Variants in CFAP52 observed in about 807,000 individuals in gnomAD.
CFAP52 encodes the protein cilia and flagella associated protein 52.
In CFAP52, 57 loss-of-function variants were observed where a neutral mutation model predicts 70.5. The ratio of observed to expected loss-of-function variants is 0.81; its 90% CI spans 0.65 to 1.01. The LOEUF (loss-of-function observed/expected upper bound fraction) is 1.01, where lower values mean the gene tolerates loss of function less well. Among genes scored for constraint, CFAP52 ranks in the 50% least tolerant of loss-of-function variants. The pLI is 0.00. For synonymous variants in CFAP52, 267 were observed against 292.5 expected, an observed-to-expected ratio of 0.91 and a Z score of 0.89; for missense variants, 785 against 788.5, an observed-to-expected ratio of 1.00 and a Z score of 0.05.
chr17:9,632,134 G>C (rs1355484108), intron 9 of CFAP52, among the ~76,000 whole-genome samples: 1 of 151,728 alleles, frequency 6.6e-6, no homozygotes, highest in Non-Finnish European at 1.5e-5. Flanking sequence ...CTGAAGTGCA[G>C]TGGCGGACTC....
rs1908894141 is a variant in CFAP52 at position 9,594,205 on chromosome 17, G to A, written c.420G>A (p.Trp140Ter). The change falls in exon 4 of 14, where the codon TGG (tryptophan) becomes TGA (stop). Residue 140 changes from tryptophan (W) to a stop codon, truncating the protein, a stop_gained. Transcript: ENST00000352665. LOFTEE classifies it high-confidence loss of function. ...GGPDDGSVVVWSIAKRDAICG... is the reference protein window; with the variant it reads ...GGPDDGSVVV The stretch of plus-strand genomic sequence containing the variant: ...CTTATTTTGGCAGTGTGGTGGTGTG[G>A]AGCATAGCCAAGAGAGATGCCATCT... 6.2e-7 allele frequency: 1 copy of A among 1,611,034 alleles called. No homozygotes were observed. Among genetic ancestry groups the A allele is most frequent in the South Asian group, 1.1e-5 (1 of 90,682 alleles).
At chr17:9,598,146 A>G in intron 4 of CFAP52, 88 bp from the exon 5 acceptor site, 1 of 1,028,086 alleles carries the variant, frequency 9.7e-7, no homozygotes, top group Non-Finnish European at 1.5e-6. Context: ...AAAAATGTTT[A>G]GATCTCTTCC....
downstream of CFAP52, chr17:9,645,451 T>C (rs1911294241): frequency 2.2e-6 from 1 of 454,248 alleles, no homozygotes; most frequent in Non-Finnish European, 3.2e-6. The surrounding 1 kb of genome is among the most constrained non-coding windows in gnomAD (Gnocchi z 6.8). Context: ...GGGCTGGTCG[T>C]GCCGCCGGAT....
intron 9 of CFAP52, among the ~76,000 whole-genome samples, chr17:9,632,256 T>C (rs1021665645): frequency 6.9e-6 from 1 of 145,512 alleles, no homozygotes; most frequent in Non-Finnish European, 1.5e-5. Flanking sequence ...TTTTTTTTGT[T>C]TTTTTTTTTC....
intron 2 of CFAP52, 124 bp downstream of exon 2, chr17:9,586,096 G>A: frequency 9.7e-7 from 1 of 1,031,764 alleles, no homozygotes; most frequent in Non-Finnish European, 1.4e-6. Context: ...TCTTCTTTTT[G>A]ACTTCTCTTT....
Position 9,594,282 on chromosome 17 carries a change from T to C in CFAP52, c.497T>C (p.Phe166Ser). 1 of 1,614,112 alleles carries C rather than the reference T, an allele frequency of 6.2e-7. No individual in the cohort carries two copies. Among genetic ancestry groups the C allele is most frequent in the Non-Finnish European group, 8.5e-7 (1 of 1,180,020 alleles). Residue 166 changes from phenylalanine (F) to serine (S), a missense_variant, in exon 4 of 14, where the codon TTC becomes TCC. Physicochemically the swap from Phe to Ser is radical, Grantham distance 155. Transcript: ENST00000352665. ...LNVGNATNVI[F>S]SRCRDEMFMT... ...GTTGGCAATGCCACCAATGTGATCT[T>C]CTCCAGGTGCCGGGATGAGATGTTT...
chr17:9,613,598 A>T (rs969956269), intron 8 of CFAP52, among the ~76,000 whole-genome samples: 1 of 151,610 alleles, frequency 6.6e-6, no homozygotes, highest in African/African-American at 2.4e-5. Flanking sequence ...ACTCACTGCA[A>T]CCTCTGCCTC....
chr17:9,642,588 C>T (rs1172338136), intron 13 of CFAP52, among the ~76,000 whole-genome samples: 3 of 152,188 alleles, frequency 2.0e-5, no homozygotes, highest in African/African-American at 7.2e-5. Flanking sequence ...CATGCCACTC[C>T]ACTCCAGCCT....
At chr17:9,626,419 A>G (rs1289273243) in intron 8 of CFAP52, among the ~76,000 whole-genome samples, 1 of 152,164 alleles carries the variant, frequency 6.6e-6, no homozygotes, top group East Asian at 1.9e-4. Flanking sequence ...TAGTAGATAC[A>G]GCGTTTTGCC....
rs537301874 is a variant in CFAP52, at chr17:9,585,595, CA to C, written c.71-177del. ...CTGAAGCAGGAGAATCACTTGAACC[CA>C]GGAGGTGAAGGTTGCAGTGAGCCCA... On this transcript the variant is annotated intron_variant, in intron 1 of 13. Transcript: ENST00000352665. Among the ~76,000 whole-genome samples, 375 of 100,056 alleles carry C rather than the reference CA, an allele frequency of 3.7e-3. 2 individuals carry two copies. The highest frequency in any genetic ancestry group is 5.7e-3 in the Non-Finnish European group (289 of 51,110). 65.6% of individuals were successfully genotyped at this position (100,056 alleles called of 152,430 possible). A position where few individuals can be genotyped will look rare whatever the true frequency, so the allele number is the denominator to read the frequency against.
intron 4 of CFAP52, among the ~76,000 whole-genome samples, chr17:9,596,098 T>C (rs1231676211): frequency 7.3e-6 from 1 of 137,370 alleles, no homozygotes; most frequent in Non-Finnish European, 1.5e-5. Context: ...TATATATATA[T>C]ATATGTACAC....
chr17:9,633,934 G>A (rs1265971078), intron 10 of CFAP52, among the ~76,000 whole-genome samples: 1 of 152,074 alleles, frequency 6.6e-6, no homozygotes, highest in Non-Finnish European at 1.5e-5. Flanking sequence ...GCCTGCCTCG[G>A]CCTCCCAAAG....
intron 8 of CFAP52, among the ~76,000 whole-genome samples, chr17:9,624,783 A>G (rs141382632): frequency 6.6e-6 from 1 of 152,240 alleles, no homozygotes; most frequent in East Asian, 1.9e-4. Context: ...AATATACTAT[A>G]GCAACTCTGT....
intron 4 of CFAP52, among the ~76,000 whole-genome samples, chr17:9,595,277 G>C (rs1233836817): frequency 6.6e-6 from 1 of 152,058 alleles, no homozygotes; most frequent in Non-Finnish European, 1.5e-5. Flanking sequence ...ATCTTGGAAA[G>C]GTACACATGG....
chr17:9,581,211 G>A (rs1378630263), intron 1 of CFAP52, among the ~76,000 whole-genome samples: 1 of 152,172 alleles, frequency 6.6e-6, no homozygotes. Flanking sequence ...CAGCTACTCG[G>A]GAGGCTGAGG....
intron 1 of CFAP52, among the ~76,000 whole-genome samples, 156 bp downstream of exon 1, chr17:9,576,921 T>A (rs1689436935): frequency 6.6e-6 from 1 of 152,216 alleles, no homozygotes; most frequent in South Asian, 2.1e-4. Flanking sequence ...CCGCACAGCC[T>A]GACCTGCCCC....
rs1477226728 is a variant in CFAP52, at chr17:9,600,094, C to G, written c.664C>G (p.Leu222Val). 6.2e-7 allele frequency: 1 copy of G among 1,613,604 alleles called. No homozygotes were observed. Among genetic ancestry groups the G allele is most frequent in the Non-Finnish European group, 8.5e-7 (1 of 1,179,794 alleles). ...GGATGATGATGATAGCTTTTTCTACCTTGGCACCACGACTGGAGATATTCT... is the reference window on the plus strand; with the variant it reads ...GGATGATGATGATAGCTTTTTCTACGTTGGCACCACGACTGGAGATATTCT... ...GVDDDDSFFY[L>V]GTTTGDILKM... Residue 222 changes from leucine to valine, a missense_variant, in exon 6 of 14, where the codon CTT becomes GTT. Physicochemically the swap from Leu to Val is conservative, Grantham distance 32. Coordinates refer to ENST00000352665, the MANE Select transcript of CFAP52 (RefSeq NM_145054.5).
intron 9 of CFAP52, among the ~76,000 whole-genome samples, chr17:9,630,177 T>A (rs1028360027): frequency 1.3e-5 from 2 of 151,792 alleles, no homozygotes; most frequent in Non-Finnish European, 2.9e-5. Flanking sequence ...TAGATTGCCC[T>A]CGTACCTTCC....
chr17:9,578,259 A>G (rs1276730485), intron 1 of CFAP52, among the ~76,000 whole-genome samples: 2 of 152,260 alleles, frequency 1.3e-5, no homozygotes, highest in African/African-American at 2.4e-5. Context: ...TAAATGTATT[A>G]CAATTAGGTC....
Sources: allele counts gnomAD v4.1 joint callset (sites outside exome capture counted in the v4.1 genomes callset), GRCh38; gene constraint gnomAD v4.1.1; non-coding constraint Gnocchi (gnomAD v3.1); transcripts MANE v1.5; gene names NCBI Gene and HGNC (gene_info 2026-07-23, HGNC 2026-07-21).